The following TRAPPC9 variants were observed in gnomAD, a reference collection of about 807,000 sequenced individuals.
TRAPPC9 encodes the protein IKK2 binding protein.
In TRAPPC9, 83 loss-of-function variants were observed where a neutral mutation model predicts 124.0. The observed-to-expected ratio is 0.67, with a 90% CI of 0.56 to 0.80. The LOEUF (loss-of-function observed/expected upper bound fraction) is 0.80. Among genes scored for constraint, TRAPPC9 ranks in the 30% least tolerant of loss-of-function variants. TRAPPC9 has a pLI of 0.00. For synonymous variants in TRAPPC9, 638 were observed against 617.5 expected, an observed-to-expected ratio of 1.03 and a Z score of -0.49; for missense variants, 1,302 against 1,508.3, an observed-to-expected ratio of 0.86 and a Z score of 2.27.
At chr8:140,222,823 C>CAAG (rs2063365995) in intron 16 of TRAPPC9, among the ~76,000 whole-genome samples, 1 of 152,150 alleles carries the variant, frequency 6.6e-6, no homozygotes, top group Non-Finnish European at 1.5e-5. Flanking sequence ...CACAGACTTC[C>CAAG]AGTGTAAACC....
chr8:140,173,725 T>G lies in TRAPPC9; in HGVS notation c.2556+47734A>C, dbSNP rs369679609. Among the ~76,000 whole-genome samples the G allele has an allele frequency of 1.4e-4, 21 of 152,306 alleles. No individual in the cohort carries two copies. The Middle Eastern group carries it at 0.01, about 74-fold the overall frequency. Reference sequence around the variant, plus strand: ...CTCACCCCAGTCTAAGATATGTCTATAGACTATGGCATAAACTTAGCTATC... The same window carrying G: ...CTCACCCCAGTCTAAGATATGTCTAGAGACTATGGCATAAACTTAGCTATC... On this transcript the variant is annotated intron_variant, in intron 17 of 22. Coordinates refer to ENST00000438773, the MANE Select transcript of TRAPPC9 (RefSeq NM_001160372.4).
At chr8:140,266,720 C>A (rs1319019317) in intron 15 of TRAPPC9, among the ~76,000 whole-genome samples, 1 of 149,638 alleles carries the variant, frequency 6.7e-6, no homozygotes, top group Non-Finnish European at 1.5e-5. Context: ...ATTAGCCGGG[C>A]GTGGTGGTGG....
At chr8:140,086,732 C>T (rs1337468505) in intron 17 of TRAPPC9, among the ~76,000 whole-genome samples, 1 of 152,070 alleles carries the variant, frequency 6.6e-6, no homozygotes, top group Non-Finnish European at 1.5e-5. Context: ...GAGTTCAAGA[C>T]CAGCCTGACC....
intron 21 of TRAPPC9, among the ~76,000 whole-genome samples, chr8:139,739,295 C>T (rs1439343056): frequency 2.6e-5 from 4 of 152,216 alleles, no homozygotes; most frequent in South Asian, 2.1e-4. Flanking sequence ...AGCCTCCACC[C>T]GCCCCGCCCT....
intron 17 of TRAPPC9, among the ~76,000 whole-genome samples, chr8:140,108,860 G>A (rs2060714056): frequency 6.6e-6 from 1 of 152,150 alleles, no homozygotes; most frequent in East Asian, 1.9e-4. Flanking sequence ...ATCTGTGAAG[G>A]TTTCACTTGA....
At chr8:139,883,251 G>C (rs1433622821) in intron 21 of TRAPPC9, among the ~76,000 whole-genome samples, 1 of 152,264 alleles carries the variant, frequency 6.6e-6, no homozygotes, top group Non-Finnish European at 1.5e-5. Flanking sequence ...AGAGTCCCCA[G>C]CAGCAAGAGG....
intron 17 of TRAPPC9, among the ~76,000 whole-genome samples, chr8:140,027,299 C>G (rs1017161890): frequency 2.6e-5 from 4 of 152,198 alleles, no homozygotes; most frequent in Non-Finnish European, 4.4e-5. Context: ...AACATATACA[C>G]AGCATCTTTC....
At chr8:140,078,633 G>A (rs954447361) in intron 17 of TRAPPC9, among the ~76,000 whole-genome samples, 10 of 152,198 alleles carry the variant, frequency 6.6e-5, no homozygotes, top group African/African-American at 2.4e-4. Flanking sequence ...GGGTCTGATA[G>A]AGGAACTGCA....
chr8:139,857,249 A>G (rs1827859420), intron 21 of TRAPPC9, among the ~76,000 whole-genome samples: 2 of 152,214 alleles, frequency 1.3e-5, no homozygotes, highest in Admixed American at 1.3e-4. Context: ...TGGGCCTGGT[A>G]TCGCAGGACA....
At chr8:140,203,606 G>C (rs1156827547) in intron 17 of TRAPPC9, among the ~76,000 whole-genome samples, 1 of 152,174 alleles carries the variant, frequency 6.6e-6, no homozygotes, top group Non-Finnish European at 1.5e-5. Flanking sequence ...CAGGAAGTAA[G>C]ATGTGAAAAT....
chr8:140,333,075 G>A (rs2066936783), intron 9 of TRAPPC9, among the ~76,000 whole-genome samples: 2 of 149,786 alleles, frequency 1.3e-5, no homozygotes, highest in Non-Finnish European at 2.9e-5. Flanking sequence ...GCAGTGAGCC[G>A]AGATCATACC....
At chr8:140,394,570 G>A (rs972062231) in intron 7 of TRAPPC9, among the ~76,000 whole-genome samples, 20 of 152,302 alleles carry the variant, frequency 1.3e-4, no homozygotes, top group Admixed American at 9.2e-4. Flanking sequence ...CTGACAGCGC[G>A]ACTCCACTGC....
At chr8:139,802,316 G>A (rs536835994) in intron 21 of TRAPPC9, among the ~76,000 whole-genome samples, 26 of 152,268 alleles carry the variant, frequency 1.7e-4, no homozygotes, top group African/African-American at 4.1e-4. Flanking sequence ...CTGGCCCCAC[G>A]GGGACTGGCT....
chr8:140,112,178 G>T (rs1192468683), intron 17 of TRAPPC9, among the ~76,000 whole-genome samples: 1 of 151,880 alleles, frequency 6.6e-6, no homozygotes, highest in East Asian at 1.9e-4. Flanking sequence ...TGCGACAGGT[G>T]CAAGGAGAGT....
intron 14 of TRAPPC9, among the ~76,000 whole-genome samples, chr8:140,283,301 T>G (rs1456098551): frequency 1.5e-5 from 2 of 137,518 alleles, no homozygotes; most frequent in African/African-American, 5.5e-5. Context: ...TTCCTTTTTT[T>G]TTTTTTTTTT....
intron 2 of TRAPPC9, 123 bp from the exon 3 acceptor site, chr8:140,439,320 AATTTT>A (rs2070928560): frequency 9.0e-7 from 1 of 1,110,970 alleles, no homozygotes; most frequent in Admixed American, 2.2e-5. Flanking sequence ...TAGGCTCTAT[AATTTT>A]AAGTCAGCAA....
At chr8:140,291,154 T>A (rs778400673) in intron 11 of TRAPPC9, 76 bp from the exon 12 acceptor site, 1 of 1,338,714 alleles carries the variant, frequency 7.5e-7, no homozygotes, top group Non-Finnish European at 1.1e-6. Flanking sequence ...TTCCAATTAT[T>A]CCTCTGGCAA....
chr8:139,940,036 C>T (rs1051675665), intron 19 of TRAPPC9, among the ~76,000 whole-genome samples: 1 of 152,178 alleles, frequency 6.6e-6, no homozygotes, highest in Non-Finnish European at 1.5e-5. Flanking sequence ...TTTTTTCACC[C>T]TAGGCAGCCC....
At position 140,279,843 on chromosome 8, in the gene TRAPPC9, C is replaced by T. The variant is rs561294301; in HGVS notation, c.2115-4022G>A. 7.9e-5 allele frequency among the ~76,000 whole-genome samples: 12 copies of T among 152,340 alleles called. No homozygotes were observed. The South Asian group carries it at 2.3e-3, about 29-fold the overall frequency. Reference sequence around the variant, plus strand: ...GCCTTTTACAGCTGGCAGGGACCTTCGGGGACACCTTATTAGCAGGACAAA... The same window carrying T: ...GCCTTTTACAGCTGGCAGGGACCTTTGGGGACACCTTATTAGCAGGACAAA... On this transcript the variant is annotated intron_variant, in intron 14 of 22. Transcript: ENST00000438773.
Sources: gnomAD v4.1 joint callset for allele counts (sites outside exome capture counted in the v4.1 genomes callset) on GRCh38, gnomAD v4.1.1 for gene constraint, MANE v1.5 for transcripts, NCBI Gene and HGNC (gene_info 2026-07-23, HGNC 2026-07-21) for gene names.